HDAC7: variants seen among roughly 807,000 people sequenced by gnomAD.
The protein encoded by HDAC7 is histone deacetylase 7.
HDAC7 carries 26 observed loss-of-function variants against 115.5 expected under a neutral mutation model. The observed-to-expected ratio is 0.23, with a 90% CI of 0.16 to 0.31. The LOEUF (loss-of-function observed/expected upper bound fraction) is 0.31. Ranked by LOEUF, HDAC7 falls within the 10% of genes least tolerant of loss-of-function variation. The pLI is 1.00. For missense variants in HDAC7, 1,068 were observed against 1,329.0 expected (o/e 0.80, Z 3.05); for synonymous variants, 564 against 550.9 (o/e 1.02, Z -0.33).
chr12:47,788,051 C>T lies in HDAC7; in HGVS notation c.2349G>A (p.Val783=), dbSNP rs768356008. Residue 783 remains valine, a synonymous_variant, in exon 20 of 26, where the codon GTG becomes GTA. Transcript: ENST00000080059. ...GGCCCTGACATGCGGTTACCTCATC[C>T]ACAGCCCCACTCCCCGGGAAGAAGT... ...DGNFFPGSGA[V]DEVGAGSGEG... is the part of the protein sequence containing the mutation. 1 of 1,610,794 alleles carries T rather than the reference C, an allele frequency of 6.2e-7. No homozygotes were observed. Among genetic ancestry groups the T allele is most frequent in the South Asian group, 1.1e-5 (1 of 90,518 alleles).
intron 1 of HDAC7, among the ~76,000 whole-genome samples, chr12:47,810,387 C>A (rs760771499): frequency 3.4e-4 from 52 of 152,198 alleles, no homozygotes; most frequent in Non-Finnish European, 1.0e-4. Flanking sequence ...CTGGCGTGGA[C>A]TGCTTACTCA....
At chr12:47,820,092 C>T (rs1239824595), upstream of HDAC7, 1 of 151,132 alleles carries the variant, frequency 6.6e-6, no homozygotes, top group East Asian at 1.9e-4. The surrounding 1 kb of genome is among the most constrained non-coding windows in gnomAD (Gnocchi z 4.3). Flanking sequence ...GGGCCGCAGA[C>T]ACCGCGCGCG....
intron 1 of HDAC7, among the ~76,000 whole-genome samples, chr12:47,814,106 C>T (rs1173878558): frequency 6.6e-6 from 1 of 152,220 alleles, no homozygotes; most frequent in Non-Finnish European, 1.5e-5. Context: ...CCATCTGGCC[C>T]TCTGGTCTCA....
In HDAC7 at chr12:47,787,700, C is replaced by T; in HGVS notation, c.2453+12G>A. ...GGGTGGACTTGCCCCTCTGGGCCCC[C>T]AGAGCACGTACCTGAAAGCAGCCAG... On this transcript the variant is annotated intron_variant, in intron 21 of 25. Transcript: ENST00000080059. 3.1e-6 allele frequency: 5 copies of T among 1,594,432 alleles called. No homozygotes were observed. The highest frequency in any genetic ancestry group is 4.3e-6 in the Non-Finnish European group (5 of 1,169,174).
chr12:47,814,905 T>C (rs1944808929), intron 1 of HDAC7, among the ~76,000 whole-genome samples: 1 of 152,238 alleles, frequency 6.6e-6, no homozygotes, highest in African/African-American at 2.4e-5. Context: ...CCCAGTTCAT[T>C]TCCTTCTTAG....
At chr12:47,807,230 G>A (rs1182845945) in intron 1 of HDAC7, among the ~76,000 whole-genome samples, 10 of 152,076 alleles carry the variant, frequency 6.6e-5, no homozygotes, top group Non-Finnish European at 1.0e-4. Flanking sequence ...GTGAGCCACC[G>A]TGCCCAGCCC....
At chr12:47,817,588 C>G (rs1300852148) in intron 1 of HDAC7, 1 of 152,360 alleles carries the variant, frequency 6.6e-6, no homozygotes, top group Non-Finnish European at 1.5e-5. Context: ...CAGGGAGAGC[C>G]AAGCTGTGGA....
rs1459856367 is a variant in HDAC7 at position 47,797,315 on chromosome 12, C to A, written c.577+69G>T. 9 of 1,394,146 alleles carry A rather than the reference C, an allele frequency of 6.5e-6. No homozygotes were observed. The Admixed American group carries it at 1.5e-4, about 24-fold the overall frequency. 86.4% of individuals were successfully genotyped at this position (1,394,146 alleles called of 1,614,324 possible). A position where few individuals can be genotyped will look rare whatever the true frequency, so the allele number is the denominator to read the frequency against. ...AGCCCAGCCCGCCCACCCCTGCACA[C>A]TCCTCCCCCATGTCCGAGGCCCTTC... On this transcript the variant is annotated intron_variant, in intron 6 of 25. Coordinates refer to ENST00000080059, the MANE Select transcript of HDAC7 (RefSeq NM_015401.5). This position sits in a 1 kb window ranked among gnomAD's most constrained non-coding sequence, Gnocchi z 5.5.
At position 47,797,298 on chromosome 12, in the gene HDAC7, C is replaced by A. The variant is rs1943906967; in HGVS notation, c.577+86G>T. The A allele has an allele frequency of 1.2e-5, 17 of 1,361,970 alleles. No homozygotes were observed. In the South Asian group the frequency reaches 2.1e-4, roughly 17 times the overall value. The allele number at this position is 1,361,970 out of a possible 1,614,324, so 84.4% of individuals were successfully genotyped here. A position where few individuals can be genotyped will look rare whatever the true frequency, so the allele number is the denominator to read the frequency against. On this transcript the variant is annotated intron_variant, in intron 6 of 25. Transcript: ENST00000080059. The surrounding 1 kb of genome is among the most constrained non-coding windows in gnomAD (Gnocchi z 5.5). ...CGATGATCTCCTGGCCCAGCCCAGC[C>A]CGCCCACCCCTGCACACTCCTCCCC...
rs1040537941 is a variant in HDAC7 at position 47,802,820 on chromosome 12, G to C, written c.20-546C>G. ...AGGGGACACAGAGGTTTCCAGAGTG[G>C]GGGAGGGACTGGGTCATGGCCCGGA... On this transcript the variant is annotated intron_variant, in intron 1 of 25. Transcript: ENST00000080059. Among the ~76,000 whole-genome samples, 5 of 152,146 alleles carry C rather than the reference G, an allele frequency of 3.3e-5. No individual in the cohort carries two copies. In the East Asian group the frequency reaches 9.6e-4, roughly 29 times the overall value.
chr12:47,797,852 T>G lies in HDAC7; in HGVS notation c.461+256A>C, dbSNP rs1943940903. Reference sequence around the variant, plus strand: ...GGCTCATGTGCAAGAAAAAAGCCAGTAGGGTGTGTGTGTGTGTGTGTGTGT... The same window carrying G: ...GGCTCATGTGCAAGAAAAAAGCCAGGAGGGTGTGTGTGTGTGTGTGTGTGT... On this transcript the variant is annotated intron_variant, in intron 5 of 25. Transcript: ENST00000080059. This position sits in a 1 kb window ranked among gnomAD's most constrained non-coding sequence, Gnocchi z 5.5. Among the ~76,000 whole-genome samples the G allele has an allele frequency of 1.5e-5, 1 of 64,858 alleles. No homozygotes were observed. Among genetic ancestry groups the G allele is most frequent in the Non-Finnish European group, 3.3e-5 (1 of 29,936 alleles). The allele number at this position is 64,858 out of a possible 152,430, so 42.5% of individuals were successfully genotyped here.
At chr12:47,790,773 A>G (rs1159286884) in intron 16 of HDAC7, 1 of 185,746 alleles carries the variant, frequency 5.4e-6, no homozygotes, top group East Asian at 1.7e-4. Context: ...AAAGCTCGCG[A>G]GCGGAGTTTG....
At chr12:47,785,265 C>T (rs3815132) in intron 24 of HDAC7, 122 bp downstream of exon 24, 256,890 of 799,430 alleles carry the variant, frequency 0.32, 43,416 homozygotes, top group Admixed American at 0.51. Flanking sequence ...AGGAATCTTA[C>T]TCCAGACCAA....
At chr12:47,791,777 C>T (rs1943535560) in intron 14 of HDAC7, 71 bp from the exon 15 acceptor site, 1 of 1,594,112 alleles carries the variant, frequency 6.3e-7, no homozygotes. Flanking sequence ...CCCCATGTGC[C>T]CCTCATCTCT....
intron 1 of HDAC7, among the ~76,000 whole-genome samples, chr12:47,806,085 C>T (rs1944390897): frequency 6.6e-6 from 1 of 152,260 alleles, no homozygotes; most frequent in African/African-American, 2.4e-5. Context: ...TTTCTAACAG[C>T]TTCTTGTGTC....
chr12:47,811,021 A>C (rs7316233), intron 1 of HDAC7, among the ~76,000 whole-genome samples: 1 of 151,754 alleles, frequency 6.6e-6, no homozygotes, highest in Non-Finnish European at 1.5e-5. Flanking sequence ...CAGAAGCCAC[A>C]ATGGAGACCC....
At chr12:47,807,514 C>T (rs1179006983) in intron 1 of HDAC7, among the ~76,000 whole-genome samples, 1 of 152,114 alleles carries the variant, frequency 6.6e-6, no homozygotes, top group Non-Finnish European at 1.5e-5. Flanking sequence ...TGAGCCCAGG[C>T]AATTGGGCTT....
At chr12:47,808,774 C>A (rs1944519975) in intron 1 of HDAC7, among the ~76,000 whole-genome samples, 1 of 152,184 alleles carries the variant, frequency 6.6e-6, no homozygotes, top group Non-Finnish European at 1.5e-5. Context: ...CTGGCCTGCC[C>A]CTGCACTGCT....
Position 47,789,988 on chromosome 12 carries a change from G to A in HDAC7, c.1984-68C>T, listed in dbSNP as rs1943391899. 4 of 1,227,278 alleles carry A rather than the reference G, an allele frequency of 3.3e-6. No individual in the cohort carries two copies. In the South Asian group the frequency reaches 3.6e-5, roughly 11 times the overall value. 76.0% of individuals were successfully genotyped at this position (1,227,278 alleles called of 1,614,324 possible). ...CACAGGAGCCAGGGCCCAAGGGGGTGGTCCCCACCCCACGGCCAGGACCCC... is the reference window on the plus strand; with the variant it reads ...CACAGGAGCCAGGGCCCAAGGGGGTAGTCCCCACCCCACGGCCAGGACCCC... On this transcript the variant is annotated intron_variant, in intron 16 of 25. Coordinates refer to ENST00000080059, the MANE Select transcript of HDAC7 (RefSeq NM_015401.5).
Sources: gnomAD v4.1 joint callset for allele counts (sites outside exome capture counted in the v4.1 genomes callset) on GRCh38, gnomAD v4.1.1 for gene constraint, Gnocchi (gnomAD v3.1) non-coding constraint, MANE v1.5 for transcripts, NCBI Gene and HGNC (gene_info 2026-07-23, HGNC 2026-07-21) for gene names.